ARHGAP24: variants seen among roughly 807,000 people sequenced by gnomAD.
The protein encoded by ARHGAP24 is rho GTPase-activating protein 24.
A neutral mutation model predicts 76.4 loss-of-function variants in ARHGAP24; 50 were observed. The observed-to-expected ratio is 0.65, with a 90% CI of 0.52 to 0.83. The LOEUF (loss-of-function observed/expected upper bound fraction) is 0.83, where lower values mean the gene tolerates loss of function less well. Ranked by LOEUF, ARHGAP24 falls within the 40% of genes least tolerant of loss-of-function variation. The pLI, the probability that ARHGAP24 is intolerant of heterozygous loss-of-function variation, is 0.00. For missense variants in ARHGAP24, 930 were observed against 914.2 expected (o/e 1.02, Z -0.22); for synonymous variants, 345 against 323.3 (o/e 1.07, Z -0.72).
At chr4:85,776,840 A>G (rs1454138622) in intron 3 of ARHGAP24, among the ~76,000 whole-genome samples, 3 of 152,182 alleles carry the variant, frequency 2.0e-5, no homozygotes, top group Admixed American at 6.6e-5. Flanking sequence ...GGTCTTACTC[A>G]TATTTCCTTC....
intron 3 of ARHGAP24, among the ~76,000 whole-genome samples, chr4:85,832,576 A>G (rs1383945596): frequency 2.0e-5 from 3 of 152,234 alleles, no homozygotes; most frequent in Non-Finnish European, 4.4e-5. Flanking sequence ...TCAATGGGTT[A>G]GTCCATTGTG....
intron 1 of ARHGAP24, among the ~76,000 whole-genome samples, chr4:85,541,223 G>A: frequency 9.6e-6 from 1 of 104,616 alleles, no homozygotes; most frequent in Non-Finnish European, 1.6e-5. Context: ...GCGGTATCTC[G>A]GCTCACTGCA....
intron 2 of ARHGAP24, among the ~76,000 whole-genome samples, chr4:85,574,605 C>T (rs1222748114): frequency 6.6e-6 from 1 of 152,152 alleles, no homozygotes; most frequent in Non-Finnish European, 1.5e-5. Context: ...AAAGGGGTTC[C>T]TTAGTAGGCA....
intron 1 of ARHGAP24, among the ~76,000 whole-genome samples, chr4:85,522,125 T>G (rs141964583): frequency 6.6e-6 from 1 of 152,160 alleles, no homozygotes; most frequent in Non-Finnish European, 1.5e-5. Flanking sequence ...AAAAATTCAT[T>G]AAAACAAATA....
intron 3 of ARHGAP24, among the ~76,000 whole-genome samples, chr4:85,919,736 G>A (rs559450681): frequency 7.2e-5 from 11 of 152,216 alleles, no homozygotes; most frequent in African/African-American, 2.4e-4. Context: ...ACACTGTAGC[G>A]GCTGCCACTC....
At chr4:85,686,875 T>C (rs1723443393) in intron 2 of ARHGAP24, among the ~76,000 whole-genome samples, 1 of 151,562 alleles carries the variant, frequency 6.6e-6, no homozygotes, top group South Asian at 2.1e-4. Context: ...ATTTGGCCAA[T>C]AGCTATGGTC....
In ARHGAP24 at chr4:85,779,951, A is replaced by G. The variant is rs569610742; in HGVS notation, c.268+57979A>G. Among the ~76,000 whole-genome samples, 121 of 152,244 alleles carry G rather than the reference A, an allele frequency of 7.9e-4. 1 individual carries two copies. Among genetic ancestry groups the G allele is most frequent in the Non-Finnish European group, 1.6e-3 (109 of 68,036 alleles). ...CACTGAAAACTTGAAAAGCTTTTCA[A>G]AGAATTTAGCCACTTGTGGATCATT... On this transcript the variant is annotated intron_variant, in intron 3 of 9. Transcript: ENST00000395184.
At chr4:85,911,057 G>T (rs1437671887) in intron 3 of ARHGAP24, among the ~76,000 whole-genome samples, 2 of 152,188 alleles carry the variant, frequency 1.3e-5, no homozygotes, top group Non-Finnish European at 2.9e-5. Context: ...GGGCAGGAGG[G>T]CCTTCCTGGG....
At chr4:85,541,222 C>T (rs1369714734) in intron 1 of ARHGAP24, among the ~76,000 whole-genome samples, 1 of 99,580 alleles carries the variant, frequency 1.0e-5, no homozygotes, top group South Asian at 3.0e-4. Context: ...GGCGGTATCT[C>T]GGCTCACTGC....
At chr4:85,714,078 A>G (rs541049987) in intron 2 of ARHGAP24, among the ~76,000 whole-genome samples, 16 of 152,244 alleles carry the variant, frequency 1.1e-4, no homozygotes, top group Admixed American at 9.2e-4. Flanking sequence ...CCATCCTCCA[A>G]TGAATCAAAA....
intron 3 of ARHGAP24, among the ~76,000 whole-genome samples, chr4:85,901,583 T>C (rs1243931128): frequency 6.6e-6 from 1 of 152,184 alleles, no homozygotes; most frequent in East Asian, 1.9e-4. Flanking sequence ...TTTGCCTTCT[T>C]GGGAGGTACA....
chr4:85,637,440 A>G (rs962812102), intron 2 of ARHGAP24, among the ~76,000 whole-genome samples: 4 of 152,096 alleles, frequency 2.6e-5, no homozygotes, highest in Non-Finnish European at 2.9e-5. Context: ...AACTACACTG[A>G]TTTTCGAACA....
rs10021031 is a variant in ARHGAP24 at position 85,683,414 on chromosome 4, T to G, written c.181-38471T>G. Among the ~76,000 whole-genome samples the G allele has an allele frequency of 6.0e-3, 906 of 152,244 alleles. 10 individuals are homozygous for G. The highest frequency in any genetic ancestry group is 0.021 in the African/African-American group (868 of 41,528). ...TTAAAAGCCCCACTTTATACATGGA[T>G]CTATAAAAAGACCATAAACTTTGAA... On this transcript the variant is annotated intron_variant, in intron 2 of 9. Transcript: ENST00000395184.
chr4:85,608,604 C>G (rs1397580405), intron 2 of ARHGAP24, among the ~76,000 whole-genome samples: 2 of 118,762 alleles, frequency 1.7e-5, no homozygotes, highest in Admixed American at 1.2e-4. Context: ...TGTCGCCAGG[C>G]TGGAGTACAA....
At chr4:85,987,174 T>C (rs1740052938) in intron 8 of ARHGAP24, among the ~76,000 whole-genome samples, 2 of 152,138 alleles carry the variant, frequency 1.3e-5, no homozygotes, top group African/African-American at 4.8e-5. Flanking sequence ...AAGATGTTAA[T>C]AAAAGGGGAA....
intron 2 of ARHGAP24, among the ~76,000 whole-genome samples, chr4:85,689,420 T>G (rs1176414055): frequency 6.6e-6 from 1 of 152,146 alleles, no homozygotes; most frequent in African/African-American, 2.4e-5. Flanking sequence ...AGAGTCTTGC[T>G]CTGTCACCCA....
chr4:85,514,816 G>GTA (rs1724424390), intron 1 of ARHGAP24, among the ~76,000 whole-genome samples: 2 of 29,800 alleles, frequency 6.7e-5, no homozygotes, highest in Non-Finnish European at 1.4e-4. Flanking sequence ...ACTCTAAATT[G>GTA]TAAAAAAAAA....
intron 3 of ARHGAP24, among the ~76,000 whole-genome samples, chr4:85,826,293 TCTC>T (rs1729708434): frequency 6.6e-6 from 1 of 152,118 alleles, no homozygotes; most frequent in Non-Finnish European, 1.5e-5. Flanking sequence ...TTAATCCCCT[TCTC>T]CATCCCCCTC....
chr4:85,863,068 A>G (rs1444536283), intron 3 of ARHGAP24, among the ~76,000 whole-genome samples: 1 of 152,126 alleles, frequency 6.6e-6, no homozygotes, highest in African/African-American at 2.4e-5. Context: ...TTATAGAAGT[A>G]GCATGACATC....
Sources: allele counts gnomAD v4.1 joint callset (sites outside exome capture counted in the v4.1 genomes callset), GRCh38; gene constraint gnomAD v4.1.1; transcripts MANE v1.5; gene names NCBI Gene and HGNC (gene_info 2026-07-23, HGNC 2026-07-21).